The following RBFOX1 variants were observed in gnomAD, a reference collection of about 807,000 sequenced individuals.
RBFOX1 encodes the protein RNA binding fox-1 homolog 1.
In RBFOX1, 8 loss-of-function variants were observed where a neutral mutation model predicts 57.7. The observed-to-expected ratio is 0.14, with a 90% CI of 0.08 to 0.25. The LOEUF is 0.25. Ranked by LOEUF, RBFOX1 falls within the 10% of genes least tolerant of loss-of-function variation. The probability of loss-of-function intolerance (pLI) is 1.00; values close to 1 mark genes in which losing one functional copy is unlikely to be tolerated. For synonymous variants in RBFOX1, 326 were observed against 222.4 expected (o/e 1.47, Z -4.15); for missense variants, 611 against 548.5 (o/e 1.11, Z -1.14).
At chr16:5,264,381 C>T (rs1193594117) in intron 1 of RBFOX1, among the ~76,000 whole-genome samples, 5 of 151,954 alleles carry the variant, frequency 3.3e-5, no homozygotes, top group South Asian at 2.1e-4. Context: ...TTCTTGGGGC[C>T]GTTTTCATCA....
chr16:7,144,228 G>A (rs2074428407), intron 4 of RBFOX1, among the ~76,000 whole-genome samples: 1 of 152,016 alleles, frequency 6.6e-6, no homozygotes, highest in South Asian at 2.1e-4. Context: ...TCATTTTGAG[G>A]GGTCTTGGAA....
intron 4 of RBFOX1, among the ~76,000 whole-genome samples, chr16:7,479,747 A>G (rs890279278): frequency 2.0e-5 from 3 of 152,048 alleles, no homozygotes; most frequent in Admixed American, 6.6e-5. Flanking sequence ...TGGAGCTGGA[A>G]TTTCTCTAGT....
chr16:6,175,422 CTCAG>C (rs995517056), intron 1 of RBFOX1, among the ~76,000 whole-genome samples: 1 of 152,018 alleles, frequency 6.6e-6, no homozygotes, highest in Non-Finnish European at 1.5e-5. Context: ...TCTGCTAGAG[CTCAG>C]AGTAGAGACA....
chr16:6,545,335 C>A (rs1025307837), intron 2 of RBFOX1, among the ~76,000 whole-genome samples: 1 of 152,128 alleles, frequency 6.6e-6, no homozygotes, highest in Non-Finnish European at 1.5e-5. Context: ...AAAATAAAAA[C>A]GGATAACTTG....
chr16:7,543,346 T>C (rs1688679227), intron 5 of RBFOX1, among the ~76,000 whole-genome samples: 3 of 152,198 alleles, frequency 2.0e-5, no homozygotes, highest in Non-Finnish European at 4.4e-5. Context: ...GGGAGATATT[T>C]GAGATCTGAT....
intron 6 of RBFOX1, among the ~76,000 whole-genome samples, chr16:7,584,865 C>A (rs545080778): frequency 2.0e-5 from 3 of 152,118 alleles, no homozygotes; most frequent in Non-Finnish European, 4.4e-5. Context: ...CTTTGAGAAC[C>A]GTCAACCTAA....
chr16:6,783,181 A>G (rs1325144378), intron 3 of RBFOX1, among the ~76,000 whole-genome samples: 3 of 150,948 alleles, frequency 2.0e-5, no homozygotes, highest in Admixed American at 2.0e-4. Flanking sequence ...TTAAAAAAAA[A>G]TTTATTCAGC....
chr16:5,670,050 G>C (rs1042343078), intron 3 of RBFOX1, among the ~76,000 whole-genome samples: 3 of 152,080 alleles, frequency 2.0e-5, no homozygotes, highest in African/African-American at 4.8e-5. Context: ...GATGAACCTT[G>C]AAAACATGCT....
At chr16:5,745,858 A>T (rs575866266) in intron 3 of RBFOX1, among the ~76,000 whole-genome samples, 23 of 152,256 alleles carry the variant, frequency 1.5e-4, no homozygotes, top group African/African-American at 4.8e-4. Context: ...AGATGAGTAG[A>T]TTGCAAAAAT....
intron 4 of RBFOX1, among the ~76,000 whole-genome samples, chr16:7,138,107 A>C (rs553111090): frequency 6.6e-6 from 1 of 152,304 alleles, no homozygotes; most frequent in East Asian, 1.9e-4. Flanking sequence ...GATTCGTATC[A>C]CAGCCAAATC....
At chr16:7,642,050 G>C (rs2062904123) in intron 11 of RBFOX1, among the ~76,000 whole-genome samples, 1 of 152,192 alleles carries the variant, frequency 6.6e-6, no homozygotes, top group Non-Finnish European at 1.5e-5. Flanking sequence ...AGGAGTTTGA[G>C]ATTGCAGTGA....
At chr16:6,500,465 C>T (rs1357222260) in intron 2 of RBFOX1, among the ~76,000 whole-genome samples, 1 of 152,074 alleles carries the variant, frequency 6.6e-6, no homozygotes, top group African/African-American at 2.4e-5. Context: ...GCTCCAACAC[C>T]TAGTACTTGG....
At chr16:7,210,971 T>A (rs1000020182) in intron 4 of RBFOX1, among the ~76,000 whole-genome samples, 4 of 151,908 alleles carry the variant, frequency 2.6e-5, no homozygotes, top group Non-Finnish European at 4.4e-5. Flanking sequence ...GAAACTAATT[T>A]TATGAGATGA....
At chr16:6,944,170 G>A (rs551395378) in intron 3 of RBFOX1, among the ~76,000 whole-genome samples, 96 of 152,118 alleles carry the variant, frequency 6.3e-4, no homozygotes, top group Non-Finnish European at 1.1e-3. Flanking sequence ...GCTGAGGTGG[G>A]TGGATTATGA....
chr16:6,736,674 C>A (rs541502984), intron 3 of RBFOX1, among the ~76,000 whole-genome samples: 1 of 152,156 alleles, frequency 6.6e-6, no homozygotes, highest in Admixed American at 6.5e-5. Flanking sequence ...GGTAGATACC[C>A]AGTAGTGGGA....
intron 3 of RBFOX1, among the ~76,000 whole-genome samples, chr16:5,723,161 G>T (rs138690825): frequency 6.6e-6 from 1 of 152,290 alleles, no homozygotes; most frequent in South Asian, 2.1e-4. Flanking sequence ...CCTGCTACTT[G>T]AGTGTATGCA....
chr16:5,907,585 A>G (rs985420076), intron 4 of RBFOX1, among the ~76,000 whole-genome samples: 2 of 152,120 alleles, frequency 1.3e-5, no homozygotes, highest in South Asian at 2.1e-4. Context: ...CATATGTCCA[A>G]TACATAAGTA....
intron 4 of RBFOX1, among the ~76,000 whole-genome samples, chr16:7,338,894 C>G (rs556494971): frequency 6.6e-6 from 1 of 152,144 alleles, no homozygotes; most frequent in South Asian, 2.1e-4. Flanking sequence ...GATTTTATCT[C>G]CATGTTTGGA....
chr16:5,806,424 G>C (rs1042557244), intron 3 of RBFOX1, among the ~76,000 whole-genome samples: 10 of 152,170 alleles, frequency 6.6e-5, no homozygotes, highest in Admixed American at 1.3e-4. Flanking sequence ...AGAAGAGCCA[G>C]AAAGGGAGCC....
Sources: gnomAD v4.1 joint callset for allele counts (sites outside exome capture counted in the v4.1 genomes callset) on GRCh38, gnomAD v4.1.1 for gene constraint, MANE v1.5 for transcripts, NCBI Gene and HGNC (gene_info 2026-07-23, HGNC 2026-07-21) for gene names.